Variants in DDAH1 observed in about 807,000 individuals in gnomAD.
DDAH1 encodes dimethylarginine dimethylaminohydrolase 1.
DDAH1 carries 19 observed loss-of-function variants against 28.8 expected under a neutral mutation model. The ratio of observed to expected loss-of-function variants is 0.66; its 90% confidence interval spans 0.46 to 0.97. DDAH1 has a LOEUF of 0.97. Among genes scored for constraint, DDAH1 ranks in the 50% least tolerant of loss-of-function variants. DDAH1 has a pLI of 0.00. For missense variants in DDAH1, 326 were observed against 375.9 expected (o/e 0.87, Z 1.10); for synonymous variants, 153 against 154.4 (o/e 0.99, Z 0.07).
chr1:85,441,648 G>A (rs1434872535), intron 1 of DDAH1, among the ~76,000 whole-genome samples: 1 of 152,152 alleles, frequency 6.6e-6, no homozygotes, highest in African/African-American at 2.4e-5. Flanking sequence ...CAAGCCAGCT[G>A]AATAAACACT....
At chr1:85,364,494 T>C (rs751732029) in intron 1 of DDAH1, among the ~76,000 whole-genome samples, 1 of 152,106 alleles carries the variant, frequency 6.6e-6, no homozygotes, top group Non-Finnish European at 1.5e-5. Context: ...GATTTGGAGA[T>C]GCCTTAGGTT....
At chr1:85,369,073 T>C (rs1262392498) in intron 1 of DDAH1, among the ~76,000 whole-genome samples, 1 of 147,592 alleles carries the variant, frequency 6.8e-6, no homozygotes, top group Non-Finnish European at 1.5e-5. Flanking sequence ...TTTTTTTTTT[T>C]TTTTTGAGAC....
At chr1:85,469,299 C>T (rs1259411711), upstream of DDAH1, among the ~76,000 whole-genome samples, 2 of 152,184 alleles carry the variant, frequency 1.3e-5, no homozygotes, top group African/African-American at 4.8e-5. Context: ...ATCACATCAG[C>T]TGTGGGGAGG....
At chr1:85,461,793 T>C (rs1655135048) in intron 1 of DDAH1, among the ~76,000 whole-genome samples, 1 of 152,210 alleles carries the variant, frequency 6.6e-6, no homozygotes, top group East Asian at 1.9e-4. Flanking sequence ...AAACAGGCAA[T>C]TATCACGTGG....
chr1:85,547,559 T>C (rs1259573193), intron 1 of DDAH1, among the ~76,000 whole-genome samples: 1 of 152,216 alleles, frequency 6.6e-6, no homozygotes, highest in Non-Finnish European at 1.5e-5. Flanking sequence ...TTTCAACCAG[T>C]ACTGTCAGGA....
upstream of DDAH1, among the ~76,000 whole-genome samples, chr1:85,465,462 C>T (rs1349106361): frequency 6.6e-6 from 1 of 152,204 alleles, no homozygotes; most frequent in African/African-American, 2.4e-5. Flanking sequence ...TCGTCCCCAG[C>T]GCGGACTTGG....
chr1:85,548,481 A>T (rs1356574198), intron 1 of DDAH1, among the ~76,000 whole-genome samples: 1 of 152,196 alleles, frequency 6.6e-6, no homozygotes. Context: ...CCATGTACAC[A>T]TGTGTAAGGG....
chr1:85,376,447 T>A (rs1429419850), intron 1 of DDAH1, among the ~76,000 whole-genome samples: 1 of 152,178 alleles, frequency 6.6e-6, no homozygotes, highest in African/African-American at 2.4e-5. Context: ...GTTATTTTCT[T>A]ATAATTTTTA....
At chr1:85,481,352 C>A (rs1656009996) in intron 2 of DDAH1, among the ~76,000 whole-genome samples, 1 of 152,138 alleles carries the variant, frequency 6.6e-6, no homozygotes. Flanking sequence ...CCTGCCTCAG[C>A]CTCCCACAGT....
chr1:85,340,467 G>C (rs767256771), intron 4 of DDAH1, among the ~76,000 whole-genome samples: 4 of 152,150 alleles, frequency 2.6e-5, no homozygotes, highest in Non-Finnish European at 5.9e-5. Context: ...GCACAGAACA[G>C]GAGTTCTGTA....
chr1:85,471,309 G>A (rs1021027786), intron 2 of DDAH1, among the ~76,000 whole-genome samples: 5 of 152,116 alleles, frequency 3.3e-5, no homozygotes, highest in African/African-American at 4.8e-5. Context: ...TTGGCTTCTC[G>A]TTTTTGCTAG....
intron 1 of DDAH1, among the ~76,000 whole-genome samples, chr1:85,391,418 G>A (rs568272793): frequency 1.3e-5 from 2 of 152,232 alleles, no homozygotes; most frequent in African/African-American, 4.8e-5. Flanking sequence ...AGTGAGTTAC[G>A]ATTATGTCAC....
In DDAH1 at chr1:85,416,918, T is replaced by C. The variant is rs75823729; in HGVS notation, c.303+47825A>G. Among the ~76,000 whole-genome samples, 34 of 152,262 alleles carry C rather than the reference T, an allele frequency of 2.2e-4. No homozygotes were observed. In the East Asian group the frequency reaches 4.6e-3, roughly 21 times the overall value. On this transcript the variant is annotated intron_variant, in intron 1 of 5. Coordinates refer to ENST00000284031, the MANE Select transcript of DDAH1 (RefSeq NM_012137.4). ...CCCAGGCTCAAGCAATCTGTCTGCA[T>C]TGGCCTCCCAAATAGGTGGGATTAC...
At chr1:85,545,404 G>C (rs1394814383) in intron 1 of DDAH1, among the ~76,000 whole-genome samples, 1 of 152,154 alleles carries the variant, frequency 6.6e-6, no homozygotes. Flanking sequence ...AGCCCTTCTC[G>C]CTTTTTTAAA....
chr1:85,570,876 CAA>C (rs34641848), intron 1 of DDAH1, among the ~76,000 whole-genome samples: 1 of 136,714 alleles, frequency 7.3e-6, no homozygotes, highest in African/African-American at 2.7e-5. Flanking sequence ...GTGGTGGTAA[CAA>C]AAAAAAAAAG....
intron 4 of DDAH1, among the ~76,000 whole-genome samples, chr1:85,331,425 A>G (rs189868260): frequency 0.02 from 2,907 of 148,990 alleles, 75 homozygotes; most frequent in African/African-American, 0.057. Context: ...TCATATATGT[A>G]TATATATATA....
chr1:85,361,598 G>A (rs1315539345), intron 1 of DDAH1, among the ~76,000 whole-genome samples: 1 of 152,202 alleles, frequency 6.6e-6, no homozygotes, highest in Admixed American at 6.5e-5. Flanking sequence ...AGTATATACA[G>A]TAATTTTCAT....
At chr1:85,472,670 G>A (rs1418939123) in intron 2 of DDAH1, among the ~76,000 whole-genome samples, 1 of 152,190 alleles carries the variant, frequency 6.6e-6, no homozygotes, top group Non-Finnish European at 1.5e-5. Context: ...AATATGTTGA[G>A]TTTTAACAAG....
chr1:85,500,594 G>A (rs1173896273), intron 1 of DDAH1, among the ~76,000 whole-genome samples: 1 of 151,788 alleles, frequency 6.6e-6, no homozygotes, highest in Admixed American at 6.6e-5. Flanking sequence ...TTAGTTTATG[G>A]GTTAATATTT....
Sources: allele counts gnomAD v4.1 joint callset (sites outside exome capture counted in the v4.1 genomes callset), GRCh38; gene constraint gnomAD v4.1.1; transcripts MANE v1.5; gene names NCBI Gene and HGNC (gene_info 2026-07-23, HGNC 2026-07-21).